FAS: variants seen among roughly 807,000 people sequenced by gnomAD.
The protein encoded by FAS is tumor necrosis factor receptor superfamily member 6.
Under a neutral mutation model 33.2 loss-of-function variants are expected in FAS, and 5 were observed. The observed-to-expected ratio is 0.15, with a 90% CI of 0.08 to 0.32. FAS has a LOEUF of 0.32. Ranked by LOEUF, FAS falls within the 10% of genes least tolerant of loss-of-function variation. FAS has a pLI of 1.00. For missense variants in FAS, 339 were observed against 386.0 expected, an observed-to-expected ratio of 0.88 and a Z score of 1.02; for synonymous variants, 131 against 130.7, an observed-to-expected ratio of 1.00 and a Z score of -0.01.
upstream of FAS, among the ~76,000 whole-genome samples, chr10:88,983,353 C>T (rs937983725): frequency 2.0e-5 from 3 of 151,980 alleles, no homozygotes; most frequent in African/African-American, 2.4e-5. Flanking sequence ...TTTAATCAAC[C>T]GGAAACCATG....
Position 89,003,161 on chromosome 10 carries a change from G to C in FAS, c.163G>C (p.Asp55His), listed in dbSNP as rs148677058. ...TCAGAACTTGGAAGGCCTGCATCAT[G>C]ATGGCCAATTCTGCCATAAGCCCTG... ...ETQNLEGLHH[D>H]GQFCHKPCPP... Residue 55 changes from aspartate (D) to histidine (H), a missense_variant, in exon 2 of 9, where the codon GAT (aspartate) becomes CAT (histidine). This residue lies in a region of FAS where 276 missense variants were observed against 300.1 expected (regional missense o/e 0.92). Coordinates refer to ENST00000652046, the MANE Select transcript of FAS (RefSeq NM_000043.6). 29 of 1,614,042 alleles carry C rather than the reference G, an allele frequency of 1.8e-5. No individual in the cohort carries two copies. Among genetic ancestry groups the C allele is most frequent in the Non-Finnish European group, 2.4e-5 (28 of 1,179,992 alleles).
upstream of FAS, among the ~76,000 whole-genome samples, chr10:88,984,689 T>A (rs182838685): frequency 3.6e-4 from 55 of 151,758 alleles, no homozygotes; most frequent in Middle Eastern, 3.4e-3. Context: ...GTTTAGTTAT[T>A]CATGAAACCA....
At chr10:88,972,065 C>T (rs1252273407) in intron 1 of FAS, among the ~76,000 whole-genome samples, 2 of 152,014 alleles carry the variant, frequency 1.3e-5, no homozygotes, top group Non-Finnish European at 2.9e-5. Flanking sequence ...CACACCACCA[C>T]GCCCAGTTAA....
chr10:88,986,941 C>T (rs1388102154), upstream of FAS, among the ~76,000 whole-genome samples: 1 of 152,150 alleles, frequency 6.6e-6, no homozygotes, highest in Admixed American at 6.5e-5. Context: ...AGGTGATTTG[C>T]ATATGTCATT....
At chr10:89,014,074 T>C in intron 8 of FAS, 45 bp from the exon 9 acceptor site, 5 of 1,585,762 alleles carry the variant, frequency 3.2e-6, no homozygotes, top group Non-Finnish European at 4.3e-6. Context: ...CTAATGGGAA[T>C]TTCATTTAGA....
intron 2 of FAS, among the ~76,000 whole-genome samples, chr10:88,976,380 A>G (rs1216844729): frequency 1.3e-5 from 2 of 152,240 alleles, no homozygotes; most frequent in Non-Finnish European, 2.9e-5. Flanking sequence ...GCCAGAGTAA[A>G]CAAGGGGAAA....
rs745720136 is a variant in FAS, at chr10:89,012,098, G to T, written c.651+17G>T. The T allele has an allele frequency of 6.3e-7, 1 of 1,592,764 alleles. No individual in the cohort carries two copies. Among genetic ancestry groups the T allele is most frequent in the Non-Finnish European group, 8.6e-7 (1 of 1,160,846 alleles). On this transcript the variant is annotated intron_variant, in intron 7 of 8. Transcript: ENST00000652046. ...TTAAATCCTGTAGGTATTGAAATAG[G>T]TATCAGCTTTCCTTGAAAAGAAAAA...
intron 1 of FAS, among the ~76,000 whole-genome samples, chr10:88,997,128 C>T (rs1847646659): frequency 1.3e-5 from 2 of 152,200 alleles, no homozygotes; most frequent in South Asian, 4.1e-4. Flanking sequence ...TAGTAACCTG[C>T]TAACCTCAGA....
At chr10:88,968,508 A>G (rs1359198917) in intron 1 of FAS, among the ~76,000 whole-genome samples, 1 of 152,160 alleles carries the variant, frequency 6.6e-6, no homozygotes, top group East Asian at 1.9e-4. Context: ...GACCTGAAGG[A>G]ATGCAGGCAC....
At chr10:88,976,956 C>T (rs544298873) in intron 2 of FAS, among the ~76,000 whole-genome samples, 1 of 152,214 alleles carries the variant, frequency 6.6e-6, no homozygotes, top group South Asian at 2.1e-4. Flanking sequence ...TAATTTTTGC[C>T]CACATTCCCC....
chr10:88,985,350 G>T (rs1251364797), upstream of FAS, among the ~76,000 whole-genome samples: 1 of 152,180 alleles, frequency 6.6e-6, no homozygotes, highest in African/African-American at 2.4e-5. Flanking sequence ...CATATGCACA[G>T]ATTATCCAAA....
rs9658715 is a variant in FAS, at chr10:89,000,079, G to A, written c.31-2950G>A. 1.9e-3 allele frequency among the ~76,000 whole-genome samples: 286 copies of A among 152,320 alleles called. 3 individuals carry two copies. The highest frequency in any genetic ancestry group is 0.013 in the Admixed American group (202 of 15,312). On this transcript the variant is annotated intron_variant, in intron 1 of 8. Transcript: ENST00000652046. Reference sequence around the variant, plus strand: ...CCATCAAACAACGTTGCTGTAATGAGTGGTGATATATTTAGTCCTAGAGGA... The same window carrying A: ...CCATCAAACAACGTTGCTGTAATGAATGGTGATATATTTAGTCCTAGAGGA...
At chr10:88,989,465 T>C (rs947362968), upstream of FAS, 5 of 542,166 alleles carry the variant, frequency 9.2e-6, no homozygotes, top group African/African-American at 7.6e-5. Flanking sequence ...TTTGTGTCTA[T>C]TAGATGCTCA....
rs766429180 is a variant in FAS, at chr10:89,007,719, C to T, written c.216C>T (p.Asp72=). ...PCPPGERKAR[D]CTVNGDEPDC... ...GGGCAGGTGAAAGGAAAGCTAGGGA[C>T]TGCACAGTCAATGGGGATGAACCAG... The change falls in exon 3 of 9, where the codon GAC becomes GAT. Residue 72 remains aspartate (D), a synonymous_variant. Transcript: ENST00000652046. 14 of 1,613,822 alleles carry T rather than the reference C, an allele frequency of 8.7e-6. No homozygotes were observed. The highest frequency in any genetic ancestry group is 1.2e-5 in the Non-Finnish European group (14 of 1,179,940).
intron 2 of FAS, among the ~76,000 whole-genome samples, chr10:89,007,062 A>G (rs931513901): frequency 3.3e-5 from 5 of 152,246 alleles, no homozygotes; most frequent in Non-Finnish European, 5.9e-5. Context: ...GAGAACTCTC[A>G]TGCTCACTAG....
chr10:89,004,016 A>T (rs1848081141), intron 2 of FAS, among the ~76,000 whole-genome samples: 1 of 152,188 alleles, frequency 6.6e-6, no homozygotes, highest in African/African-American at 2.4e-5. Context: ...AATAACCGTT[A>T]TGGAAAAATC....
chr10:88,970,806 C>T (rs929878567), intron 1 of FAS, among the ~76,000 whole-genome samples: 3 of 151,916 alleles, frequency 2.0e-5, no homozygotes, highest in Admixed American at 6.6e-5. Flanking sequence ...CAACATGGCA[C>T]GTGTATACAT....
At chr10:89,013,150 C>T (rs1044925604) in intron 7 of FAS, among the ~76,000 whole-genome samples, 193 bp from the exon 8 acceptor site, 10 of 152,072 alleles carry the variant, frequency 6.6e-5, no homozygotes, top group East Asian at 3.8e-4. Flanking sequence ...CTGGCAAGGC[C>T]GGAACCTTTC....
At chr10:88,997,878 A>G (rs1017936207) in intron 1 of FAS, among the ~76,000 whole-genome samples, 1 of 152,158 alleles carries the variant, frequency 6.6e-6, no homozygotes, top group Admixed American at 6.5e-5. Flanking sequence ...AGCAGGACCA[A>G]TAAGTCTGGA....
Sources: gnomAD v4.1 joint callset for allele counts (sites outside exome capture counted in the v4.1 genomes callset) on GRCh38, gnomAD v4.1.1 for gene constraint, gnomAD v4.1.1 regional missense constraint, MANE v1.5 for transcripts, NCBI Gene and HGNC (gene_info 2026-07-23, HGNC 2026-07-21) for gene names.